SBNO1: variants seen among roughly 807,000 people sequenced by gnomAD.
The protein encoded by SBNO1 is strawberry notch homolog 1, also known as protein strawberry notch homolog 1.
Under a neutral mutation model 173.6 loss-of-function variants are expected in SBNO1, and 23 were observed. The observed-to-expected ratio is 0.13, with a 90% CI of 0.10 to 0.19. The LOEUF (loss-of-function observed/expected upper bound fraction) is 0.19, where lower values mean the gene tolerates loss of function less well. Among genes scored for constraint, SBNO1 ranks in the 10% least tolerant of loss-of-function variants. SBNO1 has a pLI of 1.00. For missense variants in SBNO1, 1,238 were observed against 1,671.2 expected, an observed-to-expected ratio of 0.74 and a Z score of 4.52; for synonymous variants, 632 against 571.5, an observed-to-expected ratio of 1.11 and a Z score of -1.51.
At chr12:123,316,494 G>T (rs1034586878) in intron 21 of SBNO1, among the ~76,000 whole-genome samples, 1 of 152,094 alleles carries the variant, frequency 6.6e-6, no homozygotes, top group East Asian at 1.9e-4. Context: ...AAAGTGCTGG[G>T]ATTACAGGCG....
At chr12:123,308,631 C>T (rs2048981396) in intron 28 of SBNO1, among the ~76,000 whole-genome samples, 1 of 151,802 alleles carries the variant, frequency 6.6e-6, no homozygotes, top group Admixed American at 6.6e-5. Flanking sequence ...GCCGAGATCG[C>T]ACCACTGCAC....
chr12:123,342,422 G>A (rs1872677860), intron 4 of SBNO1, among the ~76,000 whole-genome samples: 1 of 152,026 alleles, frequency 6.6e-6, no homozygotes, highest in African/African-American at 2.4e-5. Flanking sequence ...CTGCACTCCA[G>A]CCTGGGCGAC....
intron 1 of SBNO1, among the ~76,000 whole-genome samples, chr12:123,363,548 T>C (rs146085817): frequency 1.8e-3 from 272 of 152,258 alleles, no homozygotes; most frequent in African/African-American, 6.2e-3. Context: ...AAAATGATAA[T>C]AGCCAACTTT....
chr12:123,325,699 G>A, intron 14 of SBNO1, 100 bp from the exon 15 acceptor site: 1 of 795,124 alleles, frequency 1.3e-6, no homozygotes, highest in Non-Finnish European at 2.1e-6. Context: ...TTTCAAACAA[G>A]AATGTCCTCA....
In SBNO1 at chr12:123,305,452, T is replaced by C. The variant is rs567651360; in HGVS notation, c.3631-733A>G. On this transcript the variant is annotated intron_variant, in intron 28 of 31. Transcript: ENST00000602398. ...AAGAAAGGGAAGCATTAGAGAAATG[T>C]TGGAATTTAGGTATGTATTTTTAAC... Among the ~76,000 whole-genome samples the C allele has an allele frequency of 1.2e-4, 18 of 152,224 alleles. No homozygotes were observed. The South Asian group carries it at 3.1e-3, about 26-fold the overall frequency.
Position 123,320,592 on chromosome 12 carries a change from T to C in SBNO1, c.2507A>G (p.Asn836Ser), listed in dbSNP as rs759413030. The C allele has an allele frequency of 8.7e-6, 14 of 1,613,062 alleles. No homozygotes were observed. Among genetic ancestry groups the C allele is most frequent in the African/African-American group, 1.3e-5 (1 of 74,990 alleles). The stretch of plus-strand genomic sequence containing the variant: ...ACTTGTTATAAGGCTACTGTTACTG[T>C]TGGTGTTACTGTTAGCTAGATAAAG... ...PNSTPANSNT[N>S]SNSSLITSQD... Residue 836 changes from asparagine to serine, a missense_variant, in exon 19 of 32, where the codon AAC becomes AGC. Transcript: ENST00000602398.
intron 4 of SBNO1, among the ~76,000 whole-genome samples, chr12:123,341,923 G>A (rs1284233234): frequency 6.6e-6 from 1 of 151,934 alleles, no homozygotes; most frequent in African/African-American, 2.4e-5. Context: ...CAACTCAAAA[G>A]GAACGTGTGC....
chr12:123,300,818 C>T (rs1420103773), intron 30 of SBNO1, among the ~76,000 whole-genome samples: 10 of 151,022 alleles, frequency 6.6e-5, no homozygotes, highest in South Asian at 6.3e-4. Flanking sequence ...AAATTAGCTG[C>T]GCATGGTGGC....
At position 123,363,987 on chromosome 12, in the gene SBNO1, G is replaced by A. The variant is rs889573614; in HGVS notation, c.-1+714C>T. On this transcript the variant is annotated intron_variant, in intron 1 of 31. Transcript: ENST00000602398. ...CTGCTTTGGGGAACTCTGGATGCTC[G>A]TTATGCCAAACGCTCTCAAAGTAAG... 6.1e-6 allele frequency: 6 copies of A among 985,392 alleles called. No homozygotes were observed. In the South Asian group the frequency reaches 1.4e-4, roughly 23 times the overall value. 61.0% of individuals were successfully genotyped at this position (985,392 alleles called of 1,614,324 possible).
chr12:123,309,668 T>G (rs752305250), intron 26 of SBNO1, 42 bp downstream of exon 26: 1 of 1,607,430 alleles, frequency 6.2e-7, no homozygotes, highest in East Asian at 2.2e-5. Flanking sequence ...CACTCCACAT[T>G]TTCCCTGGGG....
chr12:123,320,118 G>T, intron 19 of SBNO1, 87 bp from the exon 20 acceptor site: 1 of 1,445,142 alleles, frequency 6.9e-7, no homozygotes, highest in Non-Finnish European at 9.6e-7. Context: ...ACACTTGGGA[G>T]ATAAGAGCAC....
chr12:123,334,707 C>G (rs1165624026), intron 6 of SBNO1, among the ~76,000 whole-genome samples: 2 of 150,556 alleles, frequency 1.3e-5, no homozygotes, highest in Non-Finnish European at 3.0e-5. Flanking sequence ...GACTCTGTCT[C>G]AAAAAATAAA....
chr12:123,315,306 T>C, intron 23 of SBNO1, 67 bp downstream of exon 23: 1 of 1,276,028 alleles, frequency 7.8e-7, no homozygotes, highest in Non-Finnish European at 1.1e-6. Flanking sequence ...ACTACTTTCC[T>C]TTTGTGTTCC....
chr12:123,309,662 C>G, intron 26 of SBNO1, 48 bp downstream of exon 26: 4 of 1,604,438 alleles, frequency 2.5e-6, no homozygotes, highest in Non-Finnish European at 2.6e-6. Flanking sequence ...TTTCTCCACT[C>G]CACATTTTCC....
Position 123,317,258 on chromosome 12 carries a change from T to C in SBNO1, c.2898A>G (p.Glu966=), listed in dbSNP as rs1436792174. Residue 966 remains glutamate (E), a synonymous_variant, in exon 21 of 32, where the codon GAA becomes GAG. Transcript: ENST00000602398. ...NQRRRVHMTL[E]LPWSADRAIQ... is the part of the protein sequence containing the mutation. ...TTGCTCTATCAGCGCTCCAAGGTAATTCTAAAGTCATATGAACTCTTCGCC... is the reference window on the plus strand; with the variant it reads ...TTGCTCTATCAGCGCTCCAAGGTAACTCTAAAGTCATATGAACTCTTCGCC... 2 of 1,614,070 alleles carry C rather than the reference T, an allele frequency of 1.2e-6. No homozygotes were observed. Among genetic ancestry groups the C allele is most frequent in the Non-Finnish European group, 1.7e-6 (2 of 1,180,022 alleles).
At chr12:123,300,181 T>C (rs1487010302) in intron 30 of SBNO1, among the ~76,000 whole-genome samples, 1 of 152,202 alleles carries the variant, frequency 6.6e-6, no homozygotes, top group Non-Finnish European at 1.5e-5. Flanking sequence ...TGTAGGTATA[T>C]AGGACACTTT....
intron 5 of SBNO1, among the ~76,000 whole-genome samples, chr12:123,337,855 CT>C (rs1420708189): frequency 6.6e-6 from 1 of 152,190 alleles, no homozygotes; most frequent in Non-Finnish European, 1.5e-5. Flanking sequence ...AAGCAGCCTC[CT>C]TTCTCCCTCC....
chr12:123,341,802 A>G (rs1872600869), intron 4 of SBNO1, among the ~76,000 whole-genome samples: 1 of 149,506 alleles, frequency 6.7e-6, no homozygotes, highest in Non-Finnish European at 1.5e-5. Flanking sequence ...TGCTGGGATT[A>G]CAGGCGTGAG....
At chr12:123,319,849 A>G in intron 20 of SBNO1, 51 bp downstream of exon 20, 2 of 1,537,166 alleles carry the variant, frequency 1.3e-6, no homozygotes, top group Non-Finnish European at 1.8e-6. Flanking sequence ...AGCTTAATCT[A>G]AATATACAGG....
Sources: allele counts gnomAD v4.1 joint callset (sites outside exome capture counted in the v4.1 genomes callset), GRCh38; gene constraint gnomAD v4.1.1; transcripts MANE v1.5; gene names NCBI Gene and HGNC (gene_info 2026-07-23, HGNC 2026-07-21).